CRIM1: variants seen among roughly 807,000 people sequenced by gnomAD.
CRIM1 encodes cysteine rich transmembrane BMP regulator 1, also known as cysteine-rich motor neuron 1 protein.
In CRIM1, 32 loss-of-function variants were observed where a neutral mutation model predicts 116.4. The ratio of observed to expected loss-of-function variants is 0.27; its 90% CI spans 0.21 to 0.37. The LOEUF (loss-of-function observed/expected upper bound fraction) is 0.37, where lower values mean the gene tolerates loss of function less well. Ranked by LOEUF, CRIM1 falls within the 10% of genes least tolerant of loss-of-function variation. CRIM1 has a pLI of 1.00. For missense variants in CRIM1, 1,331 were observed against 1,354.8 expected (o/e 0.98, Z 0.28); for synonymous variants, 590 against 509.2 (o/e 1.16, Z -2.13).
At chr2:36,382,574 G>A (rs3770947) in intron 1 of CRIM1, among the ~76,000 whole-genome samples, 111,306 of 152,128 alleles carry the variant, frequency 0.73, 41,271 homozygotes, top group East Asian at 0.99. Context: ...TAGAAATGTC[G>A]TGGTTATGGC....
At chr2:36,446,811 C>T (rs1208131334) in intron 4 of CRIM1, among the ~76,000 whole-genome samples, 1 of 152,158 alleles carries the variant, frequency 6.6e-6, no homozygotes, top group Non-Finnish European at 1.5e-5. Flanking sequence ...GGCCTAAACA[C>T]TACACAGTGA....
At chr2:36,539,322 C>T (rs1480793846) in intron 14 of CRIM1, among the ~76,000 whole-genome samples, 3 of 152,136 alleles carry the variant, frequency 2.0e-5, no homozygotes, top group African/African-American at 7.2e-5. Context: ...TGTGCGTGTT[C>T]AAGGTAGAGC....
intron 2 of CRIM1, among the ~76,000 whole-genome samples, chr2:36,435,931 T>G (rs1558581164): frequency 6.6e-6 from 1 of 151,914 alleles, no homozygotes; most frequent in Non-Finnish European, 1.5e-5. Context: ...CAGGCTTTTT[T>G]TTTTTTTAAT....
chr2:36,490,396 C>CT (rs1680142597), intron 7 of CRIM1, among the ~76,000 whole-genome samples: 1 of 152,142 alleles, frequency 6.6e-6, no homozygotes, highest in African/African-American at 2.4e-5. Flanking sequence ...AATGAGAGAG[C>CT]AGGGACTCAA....
At position 36,422,322 on chromosome 2, in the gene CRIM1, G is replaced by A. The variant is rs555560633; in HGVS notation, c.506-18936G>A. Among the ~76,000 whole-genome samples the A allele has an allele frequency of 2.0e-5, 3 of 152,172 alleles. No individual in the cohort carries two copies. In the South Asian group the frequency reaches 6.2e-4, roughly 32 times the overall value. ...TTTAATTTGAATGTCTGTTAGTGTA[G>A]TACTATATATGTGGGGATATACCTG... On this transcript the variant is annotated intron_variant, in intron 2 of 16. Coordinates refer to ENST00000280527, the MANE Select transcript of CRIM1 (RefSeq NM_016441.3).
chr2:36,421,716 C>T lies in CRIM1; in HGVS notation c.506-19542C>T, dbSNP rs531429505. ...TCCAGAAGATGGCCTCTTTTCACAG[C>T]CATTACCTTGGAGGCCCATTTTCTT... On this transcript the variant is annotated intron_variant, in intron 2 of 16. Transcript: ENST00000280527. Among the ~76,000 whole-genome samples, 8 of 152,314 alleles carry T rather than the reference C, an allele frequency of 5.3e-5. 1 individual carries two copies. The East Asian group carries it at 1.5e-3, about 29-fold the overall frequency.
At chr2:36,421,806 TTTCTTTCC>T (rs1223063027) in intron 2 of CRIM1, among the ~76,000 whole-genome samples, 1 of 152,350 alleles carries the variant, frequency 6.6e-6, no homozygotes, top group African/African-American at 2.4e-5. Flanking sequence ...CTTTCCCTCC[TTTCTTTCC>T]TTCTTTCCTT....
chr2:36,522,584 T>C (rs1192518256), intron 13 of CRIM1, among the ~76,000 whole-genome samples: 1 of 151,850 alleles, frequency 6.6e-6, no homozygotes, highest in African/African-American at 2.4e-5. Context: ...GACGGATCAC[T>C]TGAGGTCAGG....
intron 4 of CRIM1, among the ~76,000 whole-genome samples, chr2:36,453,198 G>A (rs2124974740): frequency 6.6e-6 from 1 of 152,304 alleles, no homozygotes; most frequent in East Asian, 1.9e-4. Context: ...GGTTATATTT[G>A]GTAGACATTT....
chr2:36,453,342 G>A (rs560587207), intron 4 of CRIM1, among the ~76,000 whole-genome samples: 1 of 152,280 alleles, frequency 6.6e-6, no homozygotes, highest in East Asian at 1.9e-4. Context: ...GAAAAGAAAG[G>A]AAGTTATATG....
At position 36,356,744 on chromosome 2, in the gene CRIM1, G is replaced by A. The variant is rs999849471; in HGVS notation, c.331+121G>A. 1.0e-6 allele frequency: 1 copy of A among 967,824 alleles called. No homozygotes were observed. The highest frequency in any genetic ancestry group is 1.7e-5 in the South Asian group (1 of 59,094). 60.0% of individuals were successfully genotyped at this position (967,824 alleles called of 1,614,324 possible). A position where few individuals can be genotyped will look rare whatever the true frequency, so the allele number is the denominator to read the frequency against. ...GAAAGAGGGCTCTGCGGGAAGAGGG[G>A]CGGCCGCCGCCCCCAGGAGAGTGCC... On this transcript the variant is annotated intron_variant, in intron 1 of 16. Coordinates refer to ENST00000280527, the MANE Select transcript of CRIM1 (RefSeq NM_016441.3). The surrounding 1 kb of genome is among the most constrained non-coding windows in gnomAD (Gnocchi z 4.3).
In CRIM1 at chr2:36,547,087, CCTCT is replaced by C; in HGVS notation, c.2853_2856del (p.Ser952LeufsTer2). ...CAGTTGTGGTTCCCATAATTATATG[CCTCT>C]CTATTATAATAGCATTCCTATTCAT... On this transcript the variant is annotated frameshift_variant, in exon 16 of 17. Coordinates refer to ENST00000280527, the MANE Select transcript of CRIM1 (RefSeq NM_016441.3). LOFTEE classifies it high-confidence loss of function. The C allele has an allele frequency of 6.2e-7, 1 of 1,610,856 alleles. No individual in the cohort carries two copies. The highest frequency in any genetic ancestry group is 8.5e-7 in the Non-Finnish European group (1 of 1,177,250).
chr2:36,411,244 G>A (rs3770912), intron 2 of CRIM1, among the ~76,000 whole-genome samples: 22,852 of 152,044 alleles, frequency 0.15, 2,140 homozygotes, highest in South Asian at 0.28. Context: ...ATTATGTGGT[G>A]TTAACACTTC....
chr2:36,461,436 G>A (rs1677573013), intron 4 of CRIM1, among the ~76,000 whole-genome samples: 1 of 152,304 alleles, frequency 6.6e-6, no homozygotes, highest in Middle Eastern at 3.4e-3. Context: ...CAGGTTGCAT[G>A]CGTCAGTTCT....
chr2:36,383,035 T>G (rs1428350075), intron 1 of CRIM1, among the ~76,000 whole-genome samples: 1 of 152,202 alleles, frequency 6.6e-6, no homozygotes, highest in Non-Finnish European at 1.5e-5. Flanking sequence ...GTGAGCTTTG[T>G]CATTTGGATA....
intron 2 of CRIM1, among the ~76,000 whole-genome samples, chr2:36,418,105 A>G (rs534223401): frequency 6.6e-6 from 1 of 152,320 alleles, no homozygotes; most frequent in African/African-American, 2.4e-5. Context: ...GAACAGGTGC[A>G]GGTTAGAATT....
intron 4 of CRIM1, among the ~76,000 whole-genome samples, chr2:36,461,469 T>C (rs1396585679): frequency 2.0e-5 from 3 of 152,166 alleles, no homozygotes; most frequent in African/African-American, 7.2e-5. Context: ...CATTTCCTGT[T>C]CATGACTCAG....
Sources: gnomAD v4.1 joint callset for allele counts (sites outside exome capture counted in the v4.1 genomes callset) on GRCh38, gnomAD v4.1.1 for gene constraint, Gnocchi (gnomAD v3.1) non-coding constraint, MANE v1.5 for transcripts, NCBI Gene and HGNC (gene_info 2026-07-23, HGNC 2026-07-21) for gene names.